LRRK2: variants seen among roughly 807,000 people sequenced by gnomAD.
LRRK2 encodes the protein leucine rich repeat kinase 2.
Under a neutral mutation model 302.6 loss-of-function variants are expected in LRRK2, and 203 were observed. The ratio of observed to expected loss-of-function variants is 0.67; its 90% CI spans 0.60 to 0.75. LRRK2 has a LOEUF of 0.75. LRRK2 is among the 30% of genes least tolerant of loss of function. LRRK2 has a pLI of 0.00. For synonymous variants in LRRK2, 1,066 were observed against 1,031.9 expected, an observed-to-expected ratio of 1.03 and a Z score of -0.63; for missense variants, 2,830 against 2,951.0, an observed-to-expected ratio of 0.96 and a Z score of 0.95.
chr12:40,345,918 C>CTA (rs1946178362), intron 41 of LRRK2, among the ~76,000 whole-genome samples: 2 of 152,146 alleles, frequency 1.3e-5, no homozygotes, highest in African/African-American at 2.4e-5. Context: ...AACTTTCTGT[C>CTA]TATCCACGAT....
intron 48 of LRRK2, among the ~76,000 whole-genome samples, chr12:40,364,109 G>A (rs1263209019): frequency 6.6e-6 from 1 of 151,842 alleles, no homozygotes; most frequent in Non-Finnish European, 1.5e-5. Context: ...CCATTTTCAA[G>A]CTTATTTGCT....
At chr12:40,277,468 A>G (rs1422438127) in intron 16 of LRRK2, among the ~76,000 whole-genome samples, 1 of 152,196 alleles carries the variant, frequency 6.6e-6, no homozygotes, top group African/African-American at 2.4e-5. Flanking sequence ...TAGGCTCTCT[A>G]GAGAACCTAC....
chr12:40,360,417 T>G (rs893161700), intron 47 of LRRK2, among the ~76,000 whole-genome samples: 1 of 152,048 alleles, frequency 6.6e-6, no homozygotes, highest in Non-Finnish European at 1.5e-5. Context: ...TTTGCTCCCT[T>G]TATCCACTTG....
intron 14 of LRRK2, among the ~76,000 whole-genome samples, chr12:40,267,489 T>C (rs1347000698): frequency 6.6e-6 from 1 of 152,130 alleles, no homozygotes. Flanking sequence ...TGGTTCCAGT[T>C]AGCCAACATT....
At chr12:40,332,346 CTT>C (rs1211541889) in intron 39 of LRRK2, among the ~76,000 whole-genome samples, 1 of 152,118 alleles carries the variant, frequency 6.6e-6, no homozygotes, top group African/African-American at 2.4e-5. Flanking sequence ...TGTATTCTCT[CTT>C]GTTTGGATTC....
intron 41 of LRRK2, among the ~76,000 whole-genome samples, chr12:40,344,817 T>C (rs889820581): frequency 1.3e-5 from 2 of 152,106 alleles, no homozygotes; most frequent in Non-Finnish European, 2.9e-5. Flanking sequence ...GTCTGAAACA[T>C]TGTATCTGTA....
Position 40,308,851 on chromosome 12 carries a change from C to T in LRRK2, c.4189+155C>T, listed in dbSNP as rs73102757. On this transcript the variant is annotated intron_variant, in intron 29 of 50. Transcript: ENST00000298910. The stretch of plus-strand genomic sequence containing the variant: ...TTTCTCCTAATTTTACCCTTGCCTC[C>T]AGAATGGAGAAGAACATGGAGGGAT... Among the ~76,000 whole-genome samples the T allele has an allele frequency of 0.013, 1,943 of 152,196 alleles. 56 individuals carry two copies. The highest frequency in any genetic ancestry group is 0.042 in the African/African-American group (1,736 of 41,516).
Position 40,322,179 on chromosome 12 carries a change from A to G in LRRK2, c.5315A>G (p.Lys1772Arg). ...FLKITVPSCR[K>R]GCILLGQVVD... Reference sequence around the variant, plus strand: ...AAAATTACAGTTCCTTCTTGTAGAAAAGGTAAGGAAATCAATTTGAATGTT... The same window carrying G: ...AAAATTACAGTTCCTTCTTGTAGAAGAGGTAAGGAAATCAATTTGAATGTT... Residue 1772 changes from lysine (K) to arginine (R), a missense_variant and splice_region_variant, in exon 36 of 51, where the codon AAA (lysine) becomes AGA (arginine). Physicochemically the swap from Lys to Arg is conservative, Grantham distance 26. This residue lies in a region of LRRK2 where 2,121 missense variants were observed against 2,148.0 expected (regional missense o/e 0.99). Transcript: ENST00000298910. 6.2e-7 allele frequency: 1 copy of G among 1,610,530 alleles called. No individual in the cohort carries two copies. The highest frequency in any genetic ancestry group is 1.1e-5 in the South Asian group (1 of 90,376).
At chr12:40,360,444 T>G (rs1011544550) in intron 47 of LRRK2, among the ~76,000 whole-genome samples, 1 of 152,078 alleles carries the variant, frequency 6.6e-6, no homozygotes, top group African/African-American at 2.4e-5. Flanking sequence ...CTAATTGTCA[T>G]TTGAATCTTT....
intron 14 of LRRK2, among the ~76,000 whole-genome samples, chr12:40,267,633 C>T (rs1163468053): frequency 1.3e-5 from 2 of 152,130 alleles, no homozygotes; most frequent in Non-Finnish European, 2.9e-5. Flanking sequence ...CTGCTTTTCC[C>T]CCATGCCAGT....
rs560298448 is a variant in LRRK2, at chr12:40,323,093, A to G, written c.5510-67A>G. Reference sequence around the variant, plus strand: ...AAATATTCCATTATTTTTTCACATCAAAACCACAAATTTATGTATCTCCTT... The same window carrying G: ...AAATATTCCATTATTTTTTCACATCGAAACCACAAATTTATGTATCTCCTT... On this transcript the variant is annotated intron_variant, in intron 37 of 50. Transcript: ENST00000298910. The G allele has an allele frequency of 7.7e-6, 11 of 1,430,422 alleles. No homozygotes were observed. The Admixed American group carries it at 1.2e-4, about 16-fold the overall frequency. The allele number at this position is 1,430,422 out of a possible 1,614,324, so 88.6% of individuals were successfully genotyped here.
intron 2 of LRRK2, among the ~76,000 whole-genome samples, chr12:40,229,505 T>A (rs2708439): frequency 0.97 from 147,989 of 152,248 alleles, 72,056 homozygotes; most frequent in Middle Eastern, 1. Context: ...CCTGCCTATC[T>A]TTTCACTGTG....
rs1941048161 is a variant in LRRK2, at chr12:40,229,071, C to T, written c.238-3203C>T. On this transcript the variant is annotated intron_variant, in intron 2 of 50. Transcript: ENST00000298910. ...ACAAATACTGTGGCCATGCTAGGTA[C>T]AATGACATCAATTTAAATTATCATT... Among the ~76,000 whole-genome samples, 7 of 152,144 alleles carry T rather than the reference C, an allele frequency of 4.6e-5. No homozygotes were observed. The South Asian group carries it at 1.4e-3, about 31-fold the overall frequency.
chr12:40,249,958 A>G lies in LRRK2; in HGVS notation c.958+13A>G, dbSNP rs1268018133. The stretch of plus-strand genomic sequence containing the variant: ...TTGGCCCTCCTCAGTAAGTAACTTC[A>G]CTAAAAAGGGGATTCTTACAGAGGC... On this transcript the variant is annotated intron_variant, in intron 8 of 50. Coordinates refer to ENST00000298910, the MANE Select transcript of LRRK2 (RefSeq NM_198578.4). 6.2e-7 allele frequency: 1 copy of G among 1,613,160 alleles called. No homozygotes were observed. Among genetic ancestry groups the G allele is most frequent in the Non-Finnish European group, 8.5e-7 (1 of 1,179,526 alleles).
chr12:40,340,528 G>T, intron 41 of LRRK2, 74 bp downstream of exon 41: 2 of 1,478,790 alleles, frequency 1.4e-6, no homozygotes, highest in South Asian at 2.3e-5. Flanking sequence ...GAGTTCAGAA[G>T]AGTCAAAAGG....
chr12:40,334,353 A>G (rs1233650146), intron 39 of LRRK2, among the ~76,000 whole-genome samples: 4 of 152,202 alleles, frequency 2.6e-5, no homozygotes, highest in African/African-American at 7.2e-5. Flanking sequence ...CCCTTGAAAA[A>G]CATAAAGGTT....
At chr12:40,235,777 A>T in intron 4 of LRRK2, 63 bp downstream of exon 4, 1 of 884,654 alleles carries the variant, frequency 1.1e-6, no homozygotes, top group Non-Finnish European at 1.8e-6. Context: ...ACCATTAAGT[A>T]AATGTGTGTG....
chr12:40,292,411 T>C (rs1357429514), intron 20 of LRRK2, among the ~76,000 whole-genome samples: 1 of 152,028 alleles, frequency 6.6e-6, no homozygotes, highest in African/African-American at 2.4e-5. Context: ...AAGAAAACAT[T>C]AGAAATTTTA....
chr12:40,302,999 G>C, intron 26 of LRRK2, 117 bp downstream of exon 26: 1 of 706,880 alleles, frequency 1.4e-6, no homozygotes, highest in South Asian at 1.7e-5. Flanking sequence ...TCAACTTGAT[G>C]TTTTTGTATG....
Sources: allele counts gnomAD v4.1 joint callset (sites outside exome capture counted in the v4.1 genomes callset), GRCh38; gene constraint gnomAD v4.1.1; regional missense constraint gnomAD v4.1.1; transcripts MANE v1.5; gene names NCBI Gene and HGNC (gene_info 2026-07-23, HGNC 2026-07-21).